KIFC3: variants seen among roughly 807,000 people sequenced by gnomAD.
The protein encoded by KIFC3 is kinesin-like protein KIFC3.
Under a neutral mutation model 101.8 loss-of-function variants are expected in KIFC3, and 60 were observed. The ratio of observed to expected loss-of-function variants is 0.59; its 90% CI spans 0.48 to 0.73. The LOEUF is 0.73. KIFC3 is among the 30% of genes least tolerant of loss of function. The pLI, the probability that KIFC3 is intolerant of heterozygous loss-of-function variation, is 0.00. For missense variants in KIFC3, 966 were observed against 1,137.1 expected (o/e 0.85, Z 2.16); for synonymous variants, 476 against 482.7 (o/e 0.99, Z 0.18).
chr16:57,795,566 A>G (rs141606639), intron 2 of KIFC3, among the ~76,000 whole-genome samples: 51 of 152,334 alleles, frequency 3.3e-4, no homozygotes, highest in African/African-American at 1.2e-3. Flanking sequence ...CCCTGACTTC[A>G]TTAAGACAAA....
rs575430135 is a variant in KIFC3, at chr16:57,858,631, C to T, written c.108+4098G>A. ...AAACATAGCTTTTTTTTTAACCATC[C>T]CCTCCCTTAACAAATTTAAATTTAC... On this transcript the variant is annotated intron_variant, in intron 1 of 2. Coordinates refer to the KIFC3 transcript ENST00000563028. Among the ~76,000 whole-genome samples, 3 of 151,956 alleles carry T rather than the reference C, an allele frequency of 2.0e-5. No individual in the cohort carries two copies. The South Asian group carries it at 6.2e-4, about 32-fold the overall frequency.
chr16:57,808,858 G>T (rs1178557874), intron 1 of KIFC3, among the ~76,000 whole-genome samples: 2 of 152,186 alleles, frequency 1.3e-5, no homozygotes, highest in African/African-American at 4.8e-5. Context: ...TTGAGTTATG[G>T]TGAGATGTAA....
intron 11 of KIFC3, 124 bp downstream of exon 11, chr16:57,765,334 TC>T: frequency 2.1e-6 from 2 of 950,542 alleles, no homozygotes; most frequent in South Asian, 3.5e-5. Flanking sequence ...GGACCCTGGC[TC>T]CCCACTTCTG....
chr16:57,851,013 T>G (rs1459537951), intron 1 of KIFC3, among the ~76,000 whole-genome samples: 1 of 149,894 alleles, frequency 6.7e-6, no homozygotes, highest in East Asian at 2.0e-4. Flanking sequence ...CTCCCTCCTT[T>G]CCTTCCTTCC....
intron 3 of KIFC3, among the ~76,000 whole-genome samples, chr16:57,780,795 C>T (rs1433876095): frequency 2.0e-5 from 3 of 150,822 alleles, no homozygotes; most frequent in Non-Finnish European, 4.4e-5. Context: ...CTGCCTCAGC[C>T]TCCCTAGTAG....
At chr16:57,803,106 G>T, upstream of KIFC3, 2 of 1,369,720 alleles carry the variant, frequency 1.5e-6, no homozygotes, top group Non-Finnish European at 2.0e-6. Flanking sequence ...TCCTACCTCT[G>T]CACCCCCAGC....
At position 57,769,295 on chromosome 16, in the gene KIFC3, C is replaced by A. The variant is rs2050863318; in HGVS notation, c.1218+300G>T. On this transcript the variant is annotated intron_variant, in intron 9 of 19. Coordinates refer to ENST00000445690, the MANE Select transcript of KIFC3 (RefSeq NM_001130100.2). This position sits in a 1 kb window ranked among gnomAD's most constrained non-coding sequence, Gnocchi z 4.3. ...AAGTGATCCGCCTGCCTCGGCCTCC[C>A]AAAGTGTTGGAATTACAGGTGTGAG... Among the ~76,000 whole-genome samples the A allele has an allele frequency of 6.6e-6, 1 of 152,122 alleles. No homozygotes were observed. Among genetic ancestry groups the A allele is most frequent in the Non-Finnish European group, 1.5e-5 (1 of 68,032 alleles).
At chr16:57,795,873 T>G (rs191430504) in intron 2 of KIFC3, among the ~76,000 whole-genome samples, 32 of 145,154 alleles carry the variant, frequency 2.2e-4, no homozygotes, top group East Asian at 1.0e-3. Flanking sequence ...TCTGTTTTTT[T>G]GGGCTTTTTT....
intron 1 of KIFC3, among the ~76,000 whole-genome samples, chr16:57,827,487 G>A (rs1376553424): frequency 6.6e-6 from 1 of 152,200 alleles, no homozygotes; most frequent in Non-Finnish European, 1.5e-5. Flanking sequence ...CAGAGGAGAC[G>A]CTCAACACCT....
At chr16:57,819,798 A>T (rs7500068) in intron 1 of KIFC3, among the ~76,000 whole-genome samples, 70,153 of 151,492 alleles carry the variant, frequency 0.46, 17,327 homozygotes, top group African/African-American at 0.64. Context: ...TGAGCTCGTG[A>T]TCTGCCTGCC....
chr16:57,844,818 A>G (rs186283272), intron 1 of KIFC3, among the ~76,000 whole-genome samples: 95 of 152,220 alleles, frequency 6.2e-4, no homozygotes, highest in African/African-American at 2.1e-3. Context: ...TGCTTGGTTC[A>G]CCAATTCCTA....
chr16:57,817,585 A>G (rs1430602969), intron 1 of KIFC3, among the ~76,000 whole-genome samples: 2 of 151,982 alleles, frequency 1.3e-5, no homozygotes, highest in East Asian at 1.9e-4. Context: ...CCACCTGCAC[A>G]TGGTGTTCTC....
intron 1 of KIFC3, among the ~76,000 whole-genome samples, chr16:57,840,292 C>T (rs535805841): frequency 1.1e-4 from 17 of 152,022 alleles, no homozygotes; most frequent in African/African-American, 2.9e-4. Context: ...GAGCTGAGAT[C>T]GAGCCACTGA....
intron 1 of KIFC3, among the ~76,000 whole-genome samples, chr16:57,829,894 A>C (rs753311233): frequency 2.0e-5 from 3 of 152,130 alleles, no homozygotes; most frequent in Non-Finnish European, 4.4e-5. Context: ...AAGCCATTGG[A>C]GCAGAGGAGC....
chr16:57,761,464 A>G lies in KIFC3; in HGVS notation c.1821T>C (p.Tyr607=), dbSNP rs782688979. 1.9e-6 allele frequency: 3 copies of G among 1,614,008 alleles called. No homozygotes were observed. The highest frequency in any genetic ancestry group is 1.1e-5 in the South Asian group (1 of 91,088). Residue 607 remains tyrosine, a synonymous_variant, in exon 14 of 20, where the codon TAT becomes TAC. Coordinates refer to ENST00000445690, the MANE Select transcript of KIFC3 (RefSeq NM_001130100.2). ...RLCPDGSGQL[Y]VPGLTEFQVQ... is the part of the protein sequence containing the mutation. ...CTTGGAACTCAGTCAGCCCTGGTACATACAGCTGCCCACTGCCGTCTGGGC... is the reference window on the plus strand; with the variant it reads ...CTTGGAACTCAGTCAGCCCTGGTACGTACAGCTGCCCACTGCCGTCTGGGC...
At chr16:57,842,765 C>T (rs1481273101) in intron 1 of KIFC3, among the ~76,000 whole-genome samples, 1 of 152,148 alleles carries the variant, frequency 6.6e-6, no homozygotes, top group Admixed American at 6.6e-5. Context: ...TGGCTGAGAT[C>T]ACACAGCCAG....
At chr16:57,829,312 G>T (rs2055526453) in intron 1 of KIFC3, among the ~76,000 whole-genome samples, 1 of 151,958 alleles carries the variant, frequency 6.6e-6, no homozygotes, top group Middle Eastern at 3.2e-3. Flanking sequence ...GGAGTGCAGT[G>T]GCACAATCAG....
intron 1 of KIFC3, among the ~76,000 whole-genome samples, chr16:57,844,221 G>T (rs149427487): frequency 2.6e-5 from 4 of 151,576 alleles, no homozygotes; most frequent in African/African-American, 9.7e-5. Flanking sequence ...TCATGAGGTC[G>T]GAGTTCAAGA....
At chr16:57,791,496 G>A (rs782528673) in intron 3 of KIFC3, among the ~76,000 whole-genome samples, 2 of 152,170 alleles carry the variant, frequency 1.3e-5, no homozygotes, top group Non-Finnish European at 2.9e-5. Flanking sequence ...GGCTAGGGAG[G>A]GGGTGTCACT....
Sources: gnomAD v4.1 joint callset for allele counts (sites outside exome capture counted in the v4.1 genomes callset) on GRCh38, gnomAD v4.1.1 for gene constraint, Gnocchi (gnomAD v3.1) non-coding constraint, MANE v1.5 for transcripts, NCBI Gene and HGNC (gene_info 2026-07-23, HGNC 2026-07-21) for gene names.